Variants in CDH12 observed in about 807,000 individuals in gnomAD.
The protein encoded by CDH12 is cadherin-12.
In CDH12, 41 loss-of-function variants were observed where a neutral mutation model predicts 74.1. That is an observed-to-expected ratio of 0.55 (90% CI 0.43 to 0.72). The LOEUF (loss-of-function observed/expected upper bound fraction) is 0.72, where lower values mean the gene tolerates loss of function less well. Ranked by LOEUF, CDH12 falls within the 30% of genes least tolerant of loss-of-function variation. The pLI is 0.00. For missense variants in CDH12, 945 were observed against 977.2 expected, an observed-to-expected ratio of 0.97 and a Z score of 0.44; for synonymous variants, 399 against 355.0, an observed-to-expected ratio of 1.12 and a Z score of -1.39.
At chr5:22,233,430 C>T (rs1752459414) in intron 3 of CDH12, among the ~76,000 whole-genome samples, 1 of 151,780 alleles carries the variant, frequency 6.6e-6, no homozygotes, top group African/African-American at 2.4e-5. Flanking sequence ...TGTAAAAGGC[C>T]CTGAATGTTT....
At chr5:21,893,155 C>T (rs7713767) in intron 6 of CDH12, among the ~76,000 whole-genome samples, 147,244 of 152,266 alleles carry the variant, frequency 0.97, 71,364 homozygotes, top group Non-Finnish European at 1. Flanking sequence ...GCACTGTAAA[C>T]GACTTAGAAG....
In CDH12 at chr5:21,880,604, CTT is replaced by C. The variant is rs1561268218; in HGVS notation, c.527-25816_527-25815del. Reference sequence around the variant, plus strand: ...CCTTCCTTCCTTCCTTCCTTCCTTCCTTCCTTCCTTCCTTCTTTCTTTCTTTC... The same window carrying C: ...CCTTCCTTCCTTCCTTCCTTCCTTCCCCTTCCTTCCTTCTTTCTTTCTTTC... On this transcript the variant is annotated intron_variant, in intron 6 of 14. Coordinates refer to ENST00000382254, the MANE Select transcript of CDH12 (RefSeq NM_004061.5). Among the ~76,000 whole-genome samples, 15 of 56,016 alleles carry C rather than the reference CTT, an allele frequency of 2.7e-4. 1 individual carries two copies. The highest frequency in any genetic ancestry group is 9.8e-4 in the African/African-American group (15 of 15,246). 36.7% of individuals were successfully genotyped at this position (56,016 alleles called of 152,430 possible). A position where few individuals can be genotyped will look rare whatever the true frequency, so the allele number is the denominator to read the frequency against.
At chr5:21,914,216 T>C (rs1408108897) in intron 6 of CDH12, among the ~76,000 whole-genome samples, 1 of 152,194 alleles carries the variant, frequency 6.6e-6, no homozygotes, top group Non-Finnish European at 1.5e-5. Flanking sequence ...TGAATCCTTT[T>C]GCTTTTCTCT....
At chr5:22,249,547 T>C (rs1294918328) in intron 3 of CDH12, among the ~76,000 whole-genome samples, 1 of 152,212 alleles carries the variant, frequency 6.6e-6, no homozygotes, top group African/African-American at 2.4e-5. Context: ...GGTTTACTTT[T>C]AATACAATTT....
intron 1 of CDH12, among the ~76,000 whole-genome samples, chr5:22,766,717 G>C (rs1382347252): frequency 3.9e-5 from 6 of 152,046 alleles, no homozygotes; most frequent in Non-Finnish European, 8.8e-5. Context: ...TACCGAACAT[G>C]CAGAAACTTG....
intron 1 of CDH12, among the ~76,000 whole-genome samples, chr5:22,509,827 T>C (rs1277727178): frequency 6.6e-6 from 1 of 152,094 alleles, no homozygotes; most frequent in Non-Finnish European, 1.5e-5. Context: ...AGGGCAAGCT[T>C]GAGCCTGATG....
intron 1 of CDH12, among the ~76,000 whole-genome samples, chr5:22,644,788 T>C (rs960193738): frequency 4.6e-5 from 7 of 152,036 alleles, no homozygotes; most frequent in Admixed American, 6.6e-5. Flanking sequence ...GGTGACTCTC[T>C]TGTTGGAGGT....
chr5:22,750,466 A>G lies in CDH12; in HGVS notation c.-523+102592T>C, dbSNP rs578035450. On this transcript the variant is annotated intron_variant, in intron 1 of 14. Coordinates refer to ENST00000382254, the MANE Select transcript of CDH12 (RefSeq NM_004061.5). ...AGAAAGCCATGGCAGTAGTCCAAGT[A>G]GGAGGAAATAATATTATCATTATGG... 2.6e-5 allele frequency among the ~76,000 whole-genome samples: 4 copies of G among 152,322 alleles called. No homozygotes were observed. In the East Asian group the frequency reaches 7.7e-4, roughly 29 times the overall value.
chr5:22,408,456 T>C (rs1743032820), intron 2 of CDH12, among the ~76,000 whole-genome samples: 1 of 150,926 alleles, frequency 6.6e-6, no homozygotes. Flanking sequence ...TAAGACATTC[T>C]TCAAAATATC....
At chr5:22,186,162 C>T (rs748243810) in intron 4 of CDH12, among the ~76,000 whole-genome samples, 21 of 152,236 alleles carry the variant, frequency 1.4e-4, no homozygotes, top group Admixed American at 3.3e-4. Flanking sequence ...CTTGTATGTG[C>T]GGCATAAGAT....
At chr5:22,419,385 A>G (rs896204996) in intron 2 of CDH12, among the ~76,000 whole-genome samples, 12 of 152,148 alleles carry the variant, frequency 7.9e-5, no homozygotes, top group African/African-American at 2.9e-4. Flanking sequence ...GCTCCCACCT[A>G]TAAGTGGGAA....
intron 4 of CDH12, among the ~76,000 whole-genome samples, chr5:22,086,595 G>A (rs945225389): frequency 3.3e-5 from 5 of 151,982 alleles, no homozygotes; most frequent in Admixed American, 2.0e-4. Flanking sequence ...CTGACCTTGT[G>A]ATCCACCCGC....
chr5:22,125,105 T>C (rs1745772388), intron 4 of CDH12, among the ~76,000 whole-genome samples: 2 of 152,184 alleles, frequency 1.3e-5, no homozygotes, highest in South Asian at 4.1e-4. Flanking sequence ...ACCATTTTTT[T>C]TTTTAACTTT....
chr5:22,343,323 C>CACACACACACAGAGAGAGAGAGAG (rs1378956871), intron 3 of CDH12, among the ~76,000 whole-genome samples: 1 of 136,260 alleles, frequency 7.3e-6, no homozygotes. Context: ...GACACACACA[C>CACACACACACAGAGAGAGAGAGAG]AGAGAGAGAG....
chr5:22,126,279 A>G (rs1301267411), intron 4 of CDH12, among the ~76,000 whole-genome samples: 1 of 152,140 alleles, frequency 6.6e-6, no homozygotes, highest in African/African-American at 2.4e-5. Context: ...ATATCAAAGG[A>G]AACCTGGAGT....
intron 11 of CDH12, among the ~76,000 whole-genome samples, chr5:21,777,526 A>ATT (rs67741612): frequency 4.3e-4 from 61 of 142,514 alleles, no homozygotes; most frequent in African/African-American, 1.5e-3. Context: ...TACCACTAAC[A>ATT]TTTTTTTTTT....
intron 5 of CDH12, among the ~76,000 whole-genome samples, chr5:22,040,859 T>C (rs952718108): frequency 1.3e-5 from 2 of 152,044 alleles, no homozygotes; most frequent in African/African-American, 4.8e-5. Flanking sequence ...ACATATAATG[T>C]ATAAAATTCA....
chr5:22,768,633 T>C (rs1746644523), intron 1 of CDH12, among the ~76,000 whole-genome samples: 1 of 152,092 alleles, frequency 6.6e-6, no homozygotes, highest in African/African-American at 2.4e-5. Flanking sequence ...AGTTCTTTAC[T>C]CTATCATCAT....
At chr5:22,393,765 T>G (rs1241888170) in intron 3 of CDH12, among the ~76,000 whole-genome samples, 1 of 152,134 alleles carries the variant, frequency 6.6e-6, no homozygotes, top group African/African-American at 2.4e-5. Flanking sequence ...AGATTGAATG[T>G]TGGTGTAAAT....
Sources: allele counts gnomAD v4.1 joint callset (sites outside exome capture counted in the v4.1 genomes callset), GRCh38; gene constraint gnomAD v4.1.1; transcripts MANE v1.5; gene names NCBI Gene and HGNC (gene_info 2026-07-23, HGNC 2026-07-21).